ANK3: variants seen among roughly 807,000 people sequenced by gnomAD.
The protein encoded by ANK3 is ankyrin 3.
Under a neutral mutation model 370.9 loss-of-function variants are expected in ANK3, and 57 were observed. The observed-to-expected ratio is 0.15, with a 90% CI of 0.12 to 0.19. ANK3 has a LOEUF of 0.19. Ranked by LOEUF, ANK3 falls within the 10% of genes least tolerant of loss-of-function variation. The pLI is 1.00. For synonymous variants in ANK3, 1,929 were observed against 1,946.3 expected, an observed-to-expected ratio of 0.99 and a Z score of 0.23; for missense variants, 4,439 against 5,302.1, an observed-to-expected ratio of 0.84 and a Z score of 5.06.
At chr10:60,309,915 CTTTT>C (rs2045968428) in intron 1 of ANK3, among the ~76,000 whole-genome samples, 1 of 142,996 alleles carries the variant, frequency 7.0e-6, no homozygotes, top group Admixed American at 6.9e-5. Flanking sequence ...CTTTTCTTTT[CTTTT>C]TTCTTTTTTT....
Position 60,069,641 on chromosome 10 carries a change from G to A in ANK3, c.11240C>T (p.Ala3747Val), listed in dbSNP as rs145110517. Residue 3747 changes from alanine to valine, a missense_variant, in exon 37 of 44, where the codon GCG becomes GTG. Ala to Val is a moderately conservative substitution (Grantham distance 64). Transcript: ENST00000280772. ...TAATCCCTGACAACTGGTCATCACC[G>A]CTTCTATCTTATCTGTTATTTCTCC... ...GPGEITDKIE[A>V]VMTSCQGLEN... 2.7e-5 allele frequency: 43 copies of A among 1,613,910 alleles called. No individual in the cohort carries two copies. The highest frequency in any genetic ancestry group is 1.2e-4 in the South Asian group (11 of 91,070).
chr10:60,553,017 G>C (rs542063857), intron 2 of ANK3, among the ~76,000 whole-genome samples: 2 of 152,288 alleles, frequency 1.3e-5, no homozygotes, highest in South Asian at 4.1e-4. Context: ...ATGTGGAAGT[G>C]TAAGTCTAAT....
intron 2 of ANK3, among the ~76,000 whole-genome samples, chr10:60,425,072 T>C (rs1374117232): frequency 6.6e-6 from 1 of 151,952 alleles, no homozygotes; most frequent in Admixed American, 6.6e-5. Flanking sequence ...AGGGTGCTTG[T>C]GGAAATTCAA....
chr10:60,205,061 G>T (rs144811679), intron 11 of ANK3, among the ~76,000 whole-genome samples: 1 of 152,144 alleles, frequency 6.6e-6, no homozygotes, highest in Non-Finnish European at 1.5e-5. Flanking sequence ...TAGTGAGGTG[G>T]AGGTTGGGGG....
intron 1 of ANK3, among the ~76,000 whole-genome samples, chr10:60,291,870 G>A (rs970716048): frequency 6.6e-6 from 1 of 151,832 alleles, no homozygotes; most frequent in African/African-American, 2.4e-5. Flanking sequence ...AGACCGCCAC[G>A]CCTGACTAAT....
At chr10:60,098,645 T>C (rs576526854) in intron 28 of ANK3, among the ~76,000 whole-genome samples, 1 of 152,318 alleles carries the variant, frequency 6.6e-6, no homozygotes, top group East Asian at 1.9e-4. Context: ...GTTAACATCA[T>C]AGAGATCTTT....
In ANK3 at chr10:60,105,942, A is replaced by G. The variant is rs756375284; in HGVS notation, c.3291T>C (p.Asn1097=). Residue 1097 remains asparagine (N), a synonymous_variant, in exon 28 of 44, where the codon AAT becomes AAC. Coordinates refer to ENST00000280772, the MANE Select transcript of ANK3 (RefSeq NM_020987.5). ...CATTAAGTAACTCGGTTAAATCTTC[A>G]TTTTTGCTGTCAAACTGATGCTCCT... ...TWKEHQFDSK[N]EDLTELLNGM... is the part of the protein sequence containing the mutation. The G allele has an allele frequency of 3.4e-5, 54 of 1,611,708 alleles. No individual in the cohort carries two copies. The highest frequency in any genetic ancestry group is 4.4e-5 in the Non-Finnish European group (52 of 1,179,054).
At chr10:60,723,040 T>C (rs1364302621) in intron 1 of ANK3, among the ~76,000 whole-genome samples, 2 of 152,228 alleles carry the variant, frequency 1.3e-5, no homozygotes, top group Non-Finnish European at 2.9e-5. Context: ...GAAAAACTAC[T>C]ACATTGAAAA....
At chr10:60,705,072 C>T (rs1228671655) in intron 1 of ANK3, among the ~76,000 whole-genome samples, 2 of 152,156 alleles carry the variant, frequency 1.3e-5, no homozygotes, top group African/African-American at 2.4e-5. Context: ...TCAAAATATG[C>T]TATGAATATC....
chr10:60,214,760 G>T (rs1231579703), intron 8 of ANK3, among the ~76,000 whole-genome samples: 2 of 152,034 alleles, frequency 1.3e-5, no homozygotes, highest in African/African-American at 2.4e-5. Flanking sequence ...CCAGTCTATT[G>T]TTGATGGGCA....
chr10:60,426,748 C>A (rs1156374328), intron 2 of ANK3, among the ~76,000 whole-genome samples: 1 of 152,152 alleles, frequency 6.6e-6, no homozygotes, highest in Non-Finnish European at 1.5e-5. Context: ...GCTTTAGAAG[C>A]TTTTAGCAAA....
At chr10:60,366,369 A>T (rs2059390362) in intron 1 of ANK3, among the ~76,000 whole-genome samples, 1 of 152,086 alleles carries the variant, frequency 6.6e-6, no homozygotes, top group African/African-American at 2.4e-5. Context: ...GTACTTACAA[A>T]TTCTTTGTTA....
chr10:60,554,364 C>T (rs1399096528), intron 2 of ANK3, among the ~76,000 whole-genome samples: 1 of 152,250 alleles, frequency 6.6e-6, no homozygotes, highest in African/African-American at 2.4e-5. Flanking sequence ...ACCATAAACG[C>T]AGGTAAGCAC....
In ANK3 at chr10:60,575,668, T is replaced by A. The variant is rs556130751; in HGVS notation, c.96+39518A>T. Among the ~76,000 whole-genome samples the A allele has an allele frequency of 2.6e-5, 4 of 152,260 alleles. No homozygotes were observed. The South Asian group carries it at 6.2e-4, about 24-fold the overall frequency. ...ACAAAGAATTACATCTCTGAAACTG[T>A]GTTAAGGCCAAAAGAGCTCCTATGC... On this transcript the variant is annotated intron_variant, in intron 2 of 43. Transcript: ENST00000373827.
At chr10:60,382,770 CCTT>C (rs1373165592) in intron 1 of ANK3, among the ~76,000 whole-genome samples, 1 of 144,124 alleles carries the variant, frequency 6.9e-6, no homozygotes, top group Non-Finnish European at 1.5e-5. Context: ...TAGATATTCT[CCTT>C]CGATATTTAA....
chr10:60,376,140 A>C (rs931800635), intron 1 of ANK3, among the ~76,000 whole-genome samples: 1 of 152,174 alleles, frequency 6.6e-6, no homozygotes, highest in African/African-American at 2.4e-5. Flanking sequence ...GTCTGCCTCC[A>C]CAGCCCATGC....
At chr10:60,093,634 G>A (rs1396860723) in intron 28 of ANK3, among the ~76,000 whole-genome samples, 3 of 152,126 alleles carry the variant, frequency 2.0e-5, no homozygotes, top group African/African-American at 7.2e-5. Flanking sequence ...CCCCGAAAAC[G>A]ATGACAGCAC....
chr10:60,582,191 A>G (rs2077764132), intron 2 of ANK3, among the ~76,000 whole-genome samples: 2 of 152,106 alleles, frequency 1.3e-5, no homozygotes, highest in Non-Finnish European at 2.9e-5. Context: ...TGATGGGTGC[A>G]GCAAACCACC....
At chr10:60,612,257 T>C (rs936647145) in intron 2 of ANK3, among the ~76,000 whole-genome samples, 15 of 152,086 alleles carry the variant, frequency 9.9e-5, no homozygotes, top group Non-Finnish European at 1.8e-4. Flanking sequence ...AAATGGACAT[T>C]CTTTGAAATT....
Sources: allele counts gnomAD v4.1 joint callset (sites outside exome capture counted in the v4.1 genomes callset), GRCh38; gene constraint gnomAD v4.1.1; transcripts MANE v1.5; gene names NCBI Gene and HGNC (gene_info 2026-07-23, HGNC 2026-07-21).